Variants in MEGF11 observed in about 807,000 individuals in gnomAD.
The protein encoded by MEGF11 is multiple EGF like domains 11, also known as multiple epidermal growth factor-like domains protein 11.
MEGF11 carries 126 observed loss-of-function variants against 146.6 expected under a neutral mutation model. The ratio of observed to expected loss-of-function variants is 0.86; its 90% CI spans 0.74 to 1.00. The LOEUF (loss-of-function observed/expected upper bound fraction) is 1.00, where lower values mean the gene tolerates loss of function less well. MEGF11 is among the 50% of genes least tolerant of loss of function. The pLI, the probability that MEGF11 is intolerant of heterozygous loss-of-function variation, is 0.00. For synonymous variants in MEGF11, 532 were observed against 583.4 expected (o/e 0.91, Z 1.27); for missense variants, 1,509 against 1,521.2 (o/e 0.99, Z 0.13).
chr15:65,983,069 C>T (rs1463940215), intron 5 of MEGF11, among the ~76,000 whole-genome samples: 4 of 152,144 alleles, frequency 2.6e-5, no homozygotes, highest in African/African-American at 9.7e-5. Context: ...CCTCTAACTC[C>T]CTGCCCCTCC....
chr15:66,010,779 A>G (rs2082687094), intron 5 of MEGF11, among the ~76,000 whole-genome samples: 1 of 152,258 alleles, frequency 6.6e-6, no homozygotes, highest in South Asian at 2.1e-4. Flanking sequence ...GGGTTCCACC[A>G]CTAGGAGCCA....
intron 5 of MEGF11, among the ~76,000 whole-genome samples, chr15:66,083,401 T>C (rs2085977693): frequency 6.6e-6 from 1 of 152,192 alleles, no homozygotes; most frequent in Non-Finnish European, 1.5e-5. Flanking sequence ...AGCAAAAGTC[T>C]TTTCAATAAA....
At chr15:66,087,335 T>C (rs746830487) in intron 5 of MEGF11, among the ~76,000 whole-genome samples, 6 of 152,182 alleles carry the variant, frequency 3.9e-5, no homozygotes, top group Non-Finnish European at 5.9e-5. Context: ...TTAACAGGTA[T>C]ATACAGAACA....
At chr15:65,974,229 T>C (rs1256519781) in intron 7 of MEGF11, among the ~76,000 whole-genome samples, 1 of 151,814 alleles carries the variant, frequency 6.6e-6, no homozygotes, top group Admixed American at 6.6e-5. Flanking sequence ...CCATTCAGCT[T>C]AGACTCTCCT....
At chr15:66,199,813 A>C (rs934832499) in intron 1 of MEGF11, among the ~76,000 whole-genome samples, 3 of 152,160 alleles carry the variant, frequency 2.0e-5, no homozygotes, top group Non-Finnish European at 4.4e-5. Context: ...AACAAACAAA[A>C]AAAGATATGC....
intron 1 of MEGF11, among the ~76,000 whole-genome samples, chr15:66,245,041 G>A (rs1481505137): frequency 6.6e-6 from 1 of 152,200 alleles, no homozygotes; most frequent in Non-Finnish European, 1.5e-5. Context: ...AAGTTCATGG[G>A]AAGGAAAGAT....
chr15:66,170,527 T>C (rs1034921328), intron 1 of MEGF11, among the ~76,000 whole-genome samples: 3 of 152,214 alleles, frequency 2.0e-5, no homozygotes, highest in Non-Finnish European at 4.4e-5. Flanking sequence ...GGGCATGCCA[T>C]GTGACCTCTC....
chr15:65,941,355 C>T lies in MEGF11; in HGVS notation c.1288-10412G>A, dbSNP rs183670566. On this transcript the variant is annotated intron_variant, in intron 10 of 25. Coordinates refer to ENST00000395614, the MANE Select transcript of MEGF11 (RefSeq NM_001385028.1). Reference sequence around the variant, plus strand: ...AGCCTAAACTTGGGAGGCTGAGGCACGAGAACAGCTTAAACCCGGGAGGCG... The same window carrying T: ...AGCCTAAACTTGGGAGGCTGAGGCATGAGAACAGCTTAAACCCGGGAGGCG... 4.9e-3 allele frequency among the ~76,000 whole-genome samples: 747 copies of T among 151,934 alleles called. 11 individuals carry two copies. Among genetic ancestry groups the T allele is most frequent in the Non-Finnish European group, 5.6e-3 (381 of 67,954 alleles).
At chr15:66,168,433 A>T (rs1019229072) in intron 1 of MEGF11, among the ~76,000 whole-genome samples, 6 of 152,100 alleles carry the variant, frequency 3.9e-5, no homozygotes, top group Admixed American at 2.6e-4. Flanking sequence ...ATCAGTGATG[A>T]TCTGCTCCTG....
At chr15:65,938,571 C>T (rs916546256) in intron 10 of MEGF11, among the ~76,000 whole-genome samples, 2 of 152,226 alleles carry the variant, frequency 1.3e-5, no homozygotes, top group Non-Finnish European at 2.9e-5. Context: ...ACACCACCTA[C>T]AGGGCAGGTC....
chr15:65,931,805 CAA>C (rs2079584744), intron 10 of MEGF11, among the ~76,000 whole-genome samples: 1 of 152,234 alleles, frequency 6.6e-6, no homozygotes, highest in African/African-American at 2.4e-5. Context: ...AGTCCTTTCT[CAA>C]TATCATGTGC....
At chr15:66,221,349 G>C (rs910342171) in intron 1 of MEGF11, among the ~76,000 whole-genome samples, 4 of 152,092 alleles carry the variant, frequency 2.6e-5, no homozygotes, top group African/African-American at 9.7e-5. Flanking sequence ...CCCCAGCTCA[G>C]TCCTGCTTCT....
intron 1 of MEGF11, among the ~76,000 whole-genome samples, chr15:66,202,592 A>G (rs576100699): frequency 6.6e-6 from 1 of 152,068 alleles, no homozygotes; most frequent in African/African-American, 2.4e-5. Flanking sequence ...CATCCTGCTC[A>G]CCCTCCTTTC....
At chr15:66,140,482 G>C (rs1343420090) in intron 1 of MEGF11, among the ~76,000 whole-genome samples, 1 of 152,206 alleles carries the variant, frequency 6.6e-6, no homozygotes, top group Non-Finnish European at 1.5e-5. Flanking sequence ...CTGGGCCCAT[G>C]AGGTACTAAC....
intron 1 of MEGF11, among the ~76,000 whole-genome samples, chr15:66,224,432 A>C (rs1036399861): frequency 6.6e-6 from 1 of 151,694 alleles, no homozygotes; most frequent in African/African-American, 2.4e-5. Flanking sequence ...AGAAACAAAA[A>C]AACTAGCCGG....
At chr15:66,127,721 A>T (rs1030612635) in intron 2 of MEGF11, among the ~76,000 whole-genome samples, 1 of 151,970 alleles carries the variant, frequency 6.6e-6, no homozygotes, top group African/African-American at 2.4e-5. Context: ...GTCTGCAGGG[A>T]CCCGGCCCAT....
chr15:66,007,604 G>A (rs895757467), intron 5 of MEGF11, among the ~76,000 whole-genome samples: 1 of 152,116 alleles, frequency 6.6e-6, no homozygotes, highest in African/African-American at 2.4e-5. Flanking sequence ...ACAAAAATTA[G>A]CCAAGCATGG....
At chr15:65,986,532 A>G (rs1401176022) in intron 5 of MEGF11, among the ~76,000 whole-genome samples, 4 of 152,192 alleles carry the variant, frequency 2.6e-5, no homozygotes, top group Non-Finnish European at 5.9e-5. Flanking sequence ...GATAAGCTTC[A>G]GTTATCTAGA....
At chr15:65,962,512 A>C (rs992989485) in intron 9 of MEGF11, among the ~76,000 whole-genome samples, 2 of 152,234 alleles carry the variant, frequency 1.3e-5, no homozygotes, top group African/African-American at 4.8e-5. Flanking sequence ...CAAAATGTTC[A>C]TGGTGGCAAG....
Sources: allele counts gnomAD v4.1 joint callset (sites outside exome capture counted in the v4.1 genomes callset), GRCh38; gene constraint gnomAD v4.1.1; transcripts MANE v1.5; gene names NCBI Gene and HGNC (gene_info 2026-07-23, HGNC 2026-07-21).